The following TAFA2 variants were observed in gnomAD, a reference collection of about 807,000 sequenced individuals.
The protein encoded by TAFA2 is TAFA chemokine like family member 2, also known as chemokine-like protein TAFA-2.
Under a neutral mutation model 18.8 loss-of-function variants are expected in TAFA2, and 7 were observed. That is an observed-to-expected ratio of 0.37 (90% CI 0.21 to 0.70). The LOEUF (loss-of-function observed/expected upper bound fraction) is 0.70. TAFA2 is among the 30% of genes least tolerant of loss of function. The pLI is 0.53. For missense variants in TAFA2, 122 were observed against 158.1 expected (o/e 0.77, Z 1.23); for synonymous variants, 60 against 54.2 (o/e 1.11, Z -0.47).
At chr12:62,031,665 G>GTA (rs1176818536) in intron 1 of TAFA2, among the ~76,000 whole-genome samples, 2 of 151,976 alleles carry the variant, frequency 1.3e-5, no homozygotes, top group African/African-American at 2.4e-5. Context: ...ACATTTACCT[G>GTA]TATATATATA....
At chr12:61,722,447 A>T (rs1869949403) in intron 4 of TAFA2, among the ~76,000 whole-genome samples, 1 of 152,158 alleles carries the variant, frequency 6.6e-6, no homozygotes, top group African/African-American at 2.4e-5. Flanking sequence ...ATTTAGATAT[A>T]TCAAAGCCAA....
intron 2 of TAFA2, among the ~76,000 whole-genome samples, chr12:61,768,007 T>A (rs1869862720): frequency 6.6e-6 from 1 of 152,120 alleles, no homozygotes. Context: ...GAACCACTTG[T>A]CAGCAAGTCA....
intron 1 of TAFA2, among the ~76,000 whole-genome samples, chr12:61,906,672 A>G (rs1201476048): frequency 6.6e-6 from 1 of 152,214 alleles, no homozygotes; most frequent in Admixed American, 6.5e-5. Context: ...TGGAAGGCCC[A>G]GAAGCCAGGA....
intron 1 of TAFA2, among the ~76,000 whole-genome samples, chr12:62,111,043 T>C (rs2136865697): frequency 6.6e-6 from 1 of 152,182 alleles, no homozygotes; most frequent in African/African-American, 2.4e-5. Context: ...GTATTTGTTT[T>C]CTCTTGCTTC....
intron 1 of TAFA2, among the ~76,000 whole-genome samples, chr12:62,062,286 A>G (rs930221396): frequency 6.6e-6 from 1 of 152,178 alleles, no homozygotes; most frequent in African/African-American, 2.4e-5. Context: ...TATTTGCTAA[A>G]TCTGTTAACA....
chr12:61,774,435 T>C (rs1374555551), intron 2 of TAFA2, among the ~76,000 whole-genome samples: 1 of 151,818 alleles, frequency 6.6e-6, no homozygotes, highest in Non-Finnish European at 1.5e-5. Context: ...CAAATGCCCA[T>C]CAATCAATAA....
At chr12:61,786,946 G>A (rs1279517279) in intron 2 of TAFA2, among the ~76,000 whole-genome samples, 1 of 151,256 alleles carries the variant, frequency 6.6e-6, no homozygotes, top group Non-Finnish European at 1.5e-5. Flanking sequence ...GAAAAAAGAA[G>A]GGAAATGAAT....
At chr12:61,815,961 G>A (rs993461985) in intron 2 of TAFA2, among the ~76,000 whole-genome samples, 1 of 151,134 alleles carries the variant, frequency 6.6e-6, no homozygotes, top group South Asian at 2.1e-4. Flanking sequence ...ATATAGGAAG[G>A]GAGAAGCACT....
chr12:62,094,459 C>A (rs1868856798), intron 1 of TAFA2, among the ~76,000 whole-genome samples: 1 of 151,854 alleles, frequency 6.6e-6, no homozygotes, highest in African/African-American at 2.4e-5. Flanking sequence ...TAACCAAAAA[C>A]CACCTGTACC....
At chr12:61,985,402 TA>T (rs1592530772) in intron 1 of TAFA2, among the ~76,000 whole-genome samples, 1 of 152,172 alleles carries the variant, frequency 6.6e-6, no homozygotes, top group East Asian at 1.9e-4. Context: ...AGGAAGACAA[TA>T]AAGACTGGTT....
chr12:61,995,090 A>T lies in TAFA2; in HGVS notation c.-1-127664T>A, dbSNP rs373561172. On this transcript the variant is annotated intron_variant, in intron 1 of 4. Transcript: ENST00000416284. ...TCTGTCTACTGTGTCATACTCTCAG[A>T]GGCTTCCCATATCCACAGAATAAAA... 3.7e-4 allele frequency among the ~76,000 whole-genome samples: 56 copies of T among 152,316 alleles called. 1 individual carries two copies. Among genetic ancestry groups the T allele is most frequent in the African/African-American group, 1.2e-3 (51 of 41,558 alleles).
intron 1 of TAFA2, among the ~76,000 whole-genome samples, chr12:62,220,932 C>G (rs892435102): frequency 5.9e-5 from 9 of 151,748 alleles, no homozygotes; most frequent in African/African-American, 2.2e-4. Flanking sequence ...ACGGTGAAAC[C>G]CCATCTCTAC....
chr12:61,803,058 T>C (rs937204177), intron 2 of TAFA2, among the ~76,000 whole-genome samples: 6 of 152,134 alleles, frequency 3.9e-5, no homozygotes, highest in Middle Eastern at 6.8e-3. Flanking sequence ...AACTGTTCTG[T>C]TTTTAAAGAA....
rs1222776921 is a variant in TAFA2, at chr12:62,245,935, C to A, written c.-130+12828G>T. ...CATCTTTTCTTATATATATATAAGA[C>A]CTTAAATATCACTCTTGGTATTGTT... is the stretch of plus-strand genomic sequence containing the variant. On this transcript the variant is annotated intron_variant, in intron 1 of 5. Transcript: ENST00000551619. Among the ~76,000 whole-genome samples, 4 of 150,172 alleles carry A rather than the reference C, an allele frequency of 2.7e-5. No individual in the cohort carries two copies. The East Asian group carries it at 7.8e-4, about 29-fold the overall frequency.
intron 1 of TAFA2, among the ~76,000 whole-genome samples, chr12:62,161,174 A>AG (rs2062404703): frequency 6.6e-6 from 1 of 152,296 alleles, no homozygotes; most frequent in East Asian, 1.9e-4. Context: ...ACCACTACAA[A>AG]TGCCATCACT....
intron 4 of TAFA2, among the ~76,000 whole-genome samples, chr12:61,734,370 C>T (rs61940887): frequency 4.3e-5 from 4 of 93,764 alleles, no homozygotes; most frequent in Non-Finnish European, 6.2e-5. Flanking sequence ...GTTGTGGGGT[C>T]GGGGGAGGGG....
intron 1 of TAFA2, among the ~76,000 whole-genome samples, chr12:61,949,661 T>C (rs1053387983): frequency 1.4e-4 from 21 of 152,128 alleles, no homozygotes; most frequent in Admixed American, 7.9e-4. Flanking sequence ...AAATCATATA[T>C]ATCTCCCACT....
At chr12:62,233,009 AC>A (rs2062818646) in intron 1 of TAFA2, among the ~76,000 whole-genome samples, 1 of 142,652 alleles carries the variant, frequency 7.0e-6, no homozygotes, top group South Asian at 2.2e-4. Context: ...TGCCTTTCTA[AC>A]CCCCTTACCC....
intron 2 of TAFA2, among the ~76,000 whole-genome samples, chr12:61,821,778 A>G (rs1289700300): frequency 6.6e-6 from 1 of 152,148 alleles, no homozygotes; most frequent in African/African-American, 2.4e-5. Flanking sequence ...CTGTGCCTCA[A>G]AACTTGTTCC....
Sources: allele counts gnomAD v4.1 joint callset (sites outside exome capture counted in the v4.1 genomes callset), GRCh38; gene constraint gnomAD v4.1.1; transcripts MANE v1.5; gene names NCBI Gene and HGNC (gene_info 2026-07-23, HGNC 2026-07-21).